The following SORCS1 variants were observed in gnomAD, a reference collection of about 807,000 sequenced individuals.
SORCS1 encodes the protein VPS10 domain-containing receptor SorCS1.
A neutral mutation model predicts 146.1 loss-of-function variants in SORCS1; 60 were observed. The observed-to-expected ratio is 0.41, with a 90% confidence interval of 0.33 to 0.51. The LOEUF is 0.51. Ranked by LOEUF, SORCS1 falls within the 20% of genes least tolerant of loss-of-function variation. The pLI, the probability that SORCS1 is intolerant of heterozygous loss-of-function variation, is 0.21. For missense variants in SORCS1, 1,352 were observed against 1,487.6 expected (o/e 0.91, Z 1.50); for synonymous variants, 637 against 584.0 (o/e 1.09, Z -1.31).
chr10:107,097,327 T>G (rs1224492731), intron 1 of SORCS1, among the ~76,000 whole-genome samples: 1 of 152,220 alleles, frequency 6.6e-6, no homozygotes, highest in East Asian at 1.9e-4. Context: ...GCAAATTATT[T>G]ATTTATTCTG....
Position 107,071,590 on chromosome 10 carries a change from C to T in SORCS1, c.558+92379G>A, listed in dbSNP as rs533038725. Among the ~76,000 whole-genome samples the T allele has an allele frequency of 6.6e-4, 100 of 152,270 alleles. 1 individual carries two copies. The highest frequency in any genetic ancestry group is 2.3e-3 in the African/African-American group (94 of 41,552). ...TTTTCTTTGTTGAATTGTCACTGGG[C>T]GCACCACATCCCTGGAAAATCATCC... On this transcript the variant is annotated intron_variant, in intron 1 of 25. Coordinates refer to ENST00000263054, the MANE Select transcript of SORCS1 (RefSeq NM_052918.5).
At chr10:106,764,827 T>C (rs1475894346) in intron 4 of SORCS1, among the ~76,000 whole-genome samples, 2 of 151,870 alleles carry the variant, frequency 1.3e-5, no homozygotes, top group African/African-American at 2.4e-5. Flanking sequence ...ATTGAGACCA[T>C]CCTGGCTAAC....
chr10:106,843,429 C>CTTTTTTTTTTTTT (rs141378677), intron 2 of SORCS1, among the ~76,000 whole-genome samples: 1 of 116,804 alleles, frequency 8.6e-6, no homozygotes, highest in Non-Finnish European at 1.6e-5. Context: ...GCAGGATTTC[C>CTTTTTTTTTTTTT]TTTTTTTTTT....
rs1470561526 is a variant in SORCS1 at position 106,986,342 on chromosome 10, A to G, written c.559-29762T>C. 2.0e-5 allele frequency among the ~76,000 whole-genome samples: 3 copies of G among 152,344 alleles called. No homozygotes were observed. The South Asian group carries it at 6.2e-4, about 32-fold the overall frequency. On this transcript the variant is annotated intron_variant, in intron 1 of 25. Transcript: ENST00000263054. ...CCCAAATTTGGTTTAAAAAACTTAC[A>G]TATTTAAGAAGCTCAACAGCTCAAC... is the stretch of plus-strand genomic sequence containing the variant.
intron 2 of SORCS1, among the ~76,000 whole-genome samples, chr10:106,929,549 T>C (rs556915177): frequency 1.3e-5 from 2 of 152,298 alleles, no homozygotes; most frequent in Admixed American, 1.3e-4. Flanking sequence ...TGAGAGAGAT[T>C]AGAGTGCTAA....
intron 1 of SORCS1, among the ~76,000 whole-genome samples, chr10:107,061,696 T>G (rs1223331734): frequency 6.6e-6 from 1 of 152,194 alleles, no homozygotes; most frequent in Non-Finnish European, 1.5e-5. Flanking sequence ...ACTCCTTTCA[T>G]TATTTGCTTG....
intron 2 of SORCS1, among the ~76,000 whole-genome samples, chr10:106,953,665 A>G (rs1490002625): frequency 6.6e-6 from 1 of 152,194 alleles, no homozygotes; most frequent in East Asian, 1.9e-4. Context: ...TTATGTAGGC[A>G]TAAGGTACAC....
intron 18 of SORCS1, among the ~76,000 whole-genome samples, chr10:106,633,516 A>T (rs1848555726): frequency 6.6e-6 from 1 of 152,170 alleles, no homozygotes; most frequent in Non-Finnish European, 1.5e-5. Context: ...GATCAACTTA[A>T]TGATTCAAGT....
chr10:106,912,670 T>G (rs2138262134), intron 2 of SORCS1, among the ~76,000 whole-genome samples: 1 of 152,156 alleles, frequency 6.6e-6, no homozygotes, highest in South Asian at 2.1e-4. Flanking sequence ...GCATTGCTTT[T>G]TTTGTTTGTT....
chr10:107,125,096 G>C (rs180921615), intron 1 of SORCS1, among the ~76,000 whole-genome samples: 1 of 151,796 alleles, frequency 6.6e-6, no homozygotes, highest in Non-Finnish European at 1.5e-5. Flanking sequence ...GGGACTACAG[G>C]CATGCACCAA....
intron 1 of SORCS1, among the ~76,000 whole-genome samples, chr10:106,997,863 C>T (rs1185769665): frequency 6.6e-6 from 1 of 152,198 alleles, no homozygotes; most frequent in African/African-American, 2.4e-5. Flanking sequence ...TCTCCACCAC[C>T]TCCCAGTAAC....
intron 1 of SORCS1, among the ~76,000 whole-genome samples, chr10:107,151,077 G>C (rs1968757314): frequency 6.6e-6 from 1 of 152,212 alleles, no homozygotes; most frequent in African/African-American, 2.4e-5. Context: ...GAACAGTTTG[G>C]AGGGCTCAGA....
intron 5 of SORCS1, among the ~76,000 whole-genome samples, chr10:106,737,494 G>A (rs1272344366): frequency 1.3e-5 from 2 of 152,082 alleles, no homozygotes; most frequent in Non-Finnish European, 2.9e-5. Context: ...GGAGGCCGAG[G>A]TGGGTGGATC....
At chr10:106,683,986 A>T (rs1394939531) in intron 10 of SORCS1, among the ~76,000 whole-genome samples, 1 of 152,114 alleles carries the variant, frequency 6.6e-6, no homozygotes. Context: ...TCTCCAATGG[A>T]AGAAAGGTGA....
chr10:106,823,601 T>G (rs976039058), intron 3 of SORCS1, among the ~76,000 whole-genome samples: 16 of 152,178 alleles, frequency 1.1e-4, no homozygotes, highest in Non-Finnish European at 8.8e-5. Context: ...CATAACTGAT[T>G]AAGGCACTTT....
In SORCS1 at chr10:106,912,821, G is replaced by A. The variant is rs529067624; in HGVS notation, c.626+43692C>T. 3.3e-5 allele frequency among the ~76,000 whole-genome samples: 5 copies of A among 152,172 alleles called. No individual in the cohort carries two copies. In the South Asian group the frequency reaches 1.0e-3, roughly 32 times the overall value. On this transcript the variant is annotated intron_variant, in intron 2 of 25. Coordinates refer to ENST00000263054, the MANE Select transcript of SORCS1 (RefSeq NM_052918.5). ...AGCCTCCTGAGTAGCTGGGACTACA[G>A]GCGCACACCACCATGCCCGGCTAAT...
chr10:106,730,496 A>T (rs1856518611), intron 5 of SORCS1, among the ~76,000 whole-genome samples: 1 of 152,194 alleles, frequency 6.6e-6, no homozygotes, highest in Admixed American at 6.5e-5. Flanking sequence ...AGCGATTCCC[A>T]TAGCACACTG....
chr10:106,892,305 T>C (rs1951268382), intron 2 of SORCS1, among the ~76,000 whole-genome samples: 1 of 152,228 alleles, frequency 6.6e-6, no homozygotes, highest in Non-Finnish European at 1.5e-5. Flanking sequence ...AACAACCTTT[T>C]ATTCTAAGTC....
intron 3 of SORCS1, among the ~76,000 whole-genome samples, chr10:106,824,362 C>T (rs1421986212): frequency 4.7e-5 from 7 of 150,188 alleles, no homozygotes; most frequent in South Asian, 2.1e-4. Context: ...GAGGCCGAGG[C>T]GGGTGGATCA....
Sources: allele counts gnomAD v4.1 joint callset (sites outside exome capture counted in the v4.1 genomes callset), GRCh38; gene constraint gnomAD v4.1.1; transcripts MANE v1.5; gene names NCBI Gene and HGNC (gene_info 2026-07-23, HGNC 2026-07-21).